The following PCDHGB2 variants were observed in gnomAD, a reference collection of about 807,000 sequenced individuals.
PCDHGB2 encodes the protein protocadherin gamma subfamily B, 2, also known as protocadherin gamma-B2.
A neutral mutation model predicts 59.3 loss-of-function variants in PCDHGB2; 55 were observed. The observed-to-expected ratio is 0.93, with a 90% CI of 0.75 to 1.16. The LOEUF is 1.16. PCDHGB2 is among the 50% of genes most tolerant of loss of function. PCDHGB2 has a pLI of 0.00. For missense variants in PCDHGB2, 1,228 were observed against 1,198.5 expected (o/e 1.02, Z -0.36); for synonymous variants, 516 against 512.0 (o/e 1.01, Z -0.11).
At position 141,490,788 on chromosome 5, in the gene PCDHGB2, C is replaced by G. The variant is rs2099704332; in HGVS notation, c.2422-4019C>G. ...ATGTCAACCCAGAGGATGGACGGAT[C>G]TTTGCCCAGCGTACCTTTGACTATG... On this transcript the variant is annotated intron_variant, in intron 1 of 3. Coordinates refer to ENST00000522605, the MANE Select transcript of PCDHGB2 (RefSeq NM_018923.3). The surrounding 1 kb of genome is among the most constrained non-coding windows in gnomAD (Gnocchi z 5.4). 6.2e-7 allele frequency: 1 copy of G among 1,613,918 alleles called. No homozygotes were observed. The highest frequency in any genetic ancestry group is 1.1e-5 in the South Asian group (1 of 91,084).
chr5:141,376,317 G>A, intron 1 of PCDHGB2: 1 of 1,614,202 alleles, frequency 6.2e-7, no homozygotes, highest in East Asian at 2.2e-5. Flanking sequence ...GGCGTGGAAG[G>A]GGTTCGGGCT....
At position 141,416,345 on chromosome 5, in the gene PCDHGB2, A is replaced by T. The variant is rs542527661; in HGVS notation, c.2421+53789A>T. ...ATTTAACTTTCATTGCTCAATAGGG[A>T]TCCTGAGGAGGCTATAGAGGGTGAA... On this transcript the variant is annotated intron_variant, in intron 1 of 3. Transcript: ENST00000522605. The T allele has an allele frequency of 4.6e-5, 7 of 152,330 alleles. No homozygotes were observed. In the East Asian group the frequency reaches 1.3e-3, roughly 29 times the overall value. The allele number at this position is 152,330 out of a possible 1,614,324, so 9.4% of individuals were successfully genotyped here. A position where few individuals can be genotyped will look rare whatever the true frequency, so the allele number is the denominator to read the frequency against.
Position 141,361,749 on chromosome 5 carries a change from C to G in PCDHGB2, c.1614C>G (p.Gly538=). ...FELTLQARDQ[G]SPALSANVSL... is the part of the protein sequence containing the mutation. ...TCACACTGCAGGCCCGCGACCAGGGCTCGCCCGCGCTCAGCGCCAACGTGA... is the reference window on the plus strand; with the variant it reads ...TCACACTGCAGGCCCGCGACCAGGGGTCGCCCGCGCTCAGCGCCAACGTGA... Residue 538 remains glycine, a synonymous_variant, in exon 1 of 4, where the codon GGC becomes GGG. Transcript: ENST00000522605. The G allele has an allele frequency of 6.2e-7, 1 of 1,613,058 alleles. No individual in the cohort carries two copies. The highest frequency in any genetic ancestry group is 8.5e-7 in the Non-Finnish European group (1 of 1,179,710).
At chr5:141,384,942 C>T (rs769507654) in intron 1 of PCDHGB2, 10 of 1,613,874 alleles carry the variant, frequency 6.2e-6, no homozygotes, top group African/African-American at 2.7e-5. Flanking sequence ...TTGAGCCCTC[C>T]GACGGTCCTT....
chr5:141,368,141 G>T (rs1204786185), intron 1 of PCDHGB2, among the ~76,000 whole-genome samples: 1 of 151,994 alleles, frequency 6.6e-6, no homozygotes, highest in Non-Finnish European at 1.5e-5. Flanking sequence ...TTCAAATTTT[G>T]TACTTTTAAA....
intron 1 of PCDHGB2, chr5:141,400,192 G>T (rs1411721247): frequency 6.2e-7 from 1 of 1,614,088 alleles, no homozygotes; most frequent in South Asian, 1.1e-5. Flanking sequence ...GTTTTACCTA[G>T]TGGTGGCCTT....
chr5:141,413,994 G>A, intron 1 of PCDHGB2: 1 of 1,613,422 alleles, frequency 6.2e-7, no homozygotes, highest in Non-Finnish European at 8.5e-7. Context: ...CCACCGACAG[G>A]GACGAAGGTG....
Position 141,487,007 on chromosome 5 carries a change from G to A in PCDHGB2, c.2422-7800G>A, listed in dbSNP as rs563548715. The A allele has an allele frequency of 3.1e-6, 5 of 1,614,206 alleles. No homozygotes were observed. In the South Asian group the frequency reaches 5.5e-5, roughly 18 times the overall value. ...TGCTTGGGTTTCCTATCAGCTCCTGGAGGCCCCAGATCCCAGCCTGTTTGC... is the reference window on the plus strand; with the variant it reads ...TGCTTGGGTTTCCTATCAGCTCCTGAAGGCCCCAGATCCCAGCCTGTTTGC... On this transcript the variant is annotated intron_variant, in intron 1 of 3. Transcript: ENST00000522605. This position sits in a 1 kb window ranked among gnomAD's most constrained non-coding sequence, Gnocchi z 5.0.
chr5:141,473,974 C>T (rs958240236), intron 1 of PCDHGB2, among the ~76,000 whole-genome samples: 12 of 152,172 alleles, frequency 7.9e-5, no homozygotes, highest in Admixed American at 1.3e-4. Flanking sequence ...AAGTCTGAGG[C>T]GGGAGGATCC....
chr5:141,376,485 A>G (rs1772740075), intron 1 of PCDHGB2: 1 of 1,614,056 alleles, frequency 6.2e-7, no homozygotes, highest in Non-Finnish European at 8.5e-7. Context: ...CTTGAAACGA[A>G]AGGAGAACCC....
Position 141,360,897 on chromosome 5 carries a change from C to A in PCDHGB2, c.762C>A (p.Asp254Glu). 4 of 1,614,016 alleles carry A rather than the reference C, an allele frequency of 2.5e-6. No homozygotes were observed. Among genetic ancestry groups the A allele is most frequent in the Non-Finnish European group, 3.4e-6 (4 of 1,179,906 alleles). ...TGTACAGGGTCACCCTGAGGGAGGA[C>A]GTGCCGCCGGGCTTCTTTGTGCTTC... ...QDVYRVTLREDVPPGFFVLQV... is the reference protein window; with the variant it reads ...QDVYRVTLREEVPPGFFVLQV... The change falls in exon 1 of 4, where the codon GAC (aspartate) becomes GAA (glutamate). Residue 254 changes from aspartate (D) to glutamate (E), a missense_variant. Coordinates refer to ENST00000522605, the MANE Select transcript of PCDHGB2 (RefSeq NM_018923.3).
At chr5:141,397,843 C>A (rs1200465582) in intron 1 of PCDHGB2, 7 of 522,606 alleles carry the variant, frequency 1.3e-5, no homozygotes, top group Non-Finnish European at 2.0e-5. Context: ...CTTGAAGCCG[C>A]AGAGGCTGTA....
chr5:141,400,299 A>C, intron 1 of PCDHGB2: 1 of 1,613,834 alleles, frequency 6.2e-7, no homozygotes, highest in South Asian at 1.1e-5. Context: ...GCTGCTTCCA[A>C]CCTGGTCTCT....
intron 1 of PCDHGB2, chr5:141,412,443 T>C (rs1479281650): frequency 6.6e-6 from 1 of 152,204 alleles, no homozygotes; most frequent in Non-Finnish European, 1.5e-5. Context: ...TAATTAAGGC[T>C]CAGTAAAACT....
intron 1 of PCDHGB2, among the ~76,000 whole-genome samples, chr5:141,381,823 C>CTTTCTTTCT (rs1777506241): frequency 9.8e-6 from 1 of 101,610 alleles, no homozygotes; most frequent in African/African-American, 4.3e-5. Context: ...TTTCTTTCTT[C>CTTTCTTTCT]TTCTTTTTTT....
chr5:141,431,511 T>G lies in PCDHGB2; in HGVS notation c.2422-63296T>G, dbSNP rs1234369765. 6.2e-7 allele frequency: 1 copy of G among 1,614,018 alleles called. No individual in the cohort carries two copies. On this transcript the variant is annotated intron_variant, in intron 1 of 3. Transcript: ENST00000522605. The surrounding 1 kb of genome is among the most constrained non-coding windows in gnomAD (Gnocchi z 4.8). ...GCTCAGCCCGAGTACCGCGCGAGCGTTCCGGAGAATCTGGCCTTGGGCACG... is the reference window on the plus strand; with the variant it reads ...GCTCAGCCCGAGTACCGCGCGAGCGGTCCGGAGAATCTGGCCTTGGGCACG...
intron 1 of PCDHGB2, among the ~76,000 whole-genome samples, chr5:141,472,402 G>T (rs569497172): frequency 6.6e-6 from 1 of 152,042 alleles, no homozygotes; most frequent in Non-Finnish European, 1.5e-5. Context: ...TTAGCCAGGC[G>T]TGGTGGCACG....
chr5:141,438,767 T>C (rs1478209487), intron 1 of PCDHGB2, among the ~76,000 whole-genome samples: 2 of 148,566 alleles, frequency 1.3e-5, no homozygotes, highest in Non-Finnish European at 3.0e-5. Flanking sequence ...GTTCAAGCGA[T>C]TCTCCTGCCT....
rs1211398299 is a variant in PCDHGB2 at position 141,420,143 on chromosome 5, A to G, written c.2421+57587A>G. The G allele has an allele frequency of 1.2e-6, 2 of 1,614,052 alleles. No homozygotes were observed. The highest frequency in any genetic ancestry group is 2.2e-5 in the East Asian group (1 of 44,888). On this transcript the variant is annotated intron_variant, in intron 1 of 3. Transcript: ENST00000522605. The stretch of plus-strand genomic sequence containing the variant: ...TTTTTGTGTGCCTGGGGATCAAATG[A>G]ATCCAGAATTTAATTTTTTCACATC...
Sources: allele counts gnomAD v4.1 joint callset (sites outside exome capture counted in the v4.1 genomes callset), GRCh38; gene constraint gnomAD v4.1.1; non-coding constraint Gnocchi (gnomAD v3.1); transcripts MANE v1.5; gene names NCBI Gene and HGNC (gene_info 2026-07-23, HGNC 2026-07-21).